The following MYBPC3 variants were observed in gnomAD, a reference collection of about 807,000 sequenced individuals.
The protein encoded by MYBPC3 is myosin binding protein C3.
Under a neutral mutation model 159.3 loss-of-function variants are expected in MYBPC3, and 108 were observed. The ratio of observed to expected loss-of-function variants is 0.68; its 90% CI spans 0.58 to 0.80. MYBPC3 has a LOEUF of 0.80. MYBPC3 is among the 30% of genes least tolerant of loss of function. MYBPC3 has a pLI of 0.00. For synonymous variants in MYBPC3, 730 were observed against 702.0 expected (o/e 1.04, Z -0.63); for missense variants, 1,631 against 1,762.1 (o/e 0.93, Z 1.33).
At position 47,348,310 on chromosome 11, in the gene MYBPC3, C is replaced by G. The variant is rs530597034; in HGVS notation, c.772+114G>C. The G allele has an allele frequency of 2.0e-5, 16 of 794,432 alleles. 1 individual carries two copies. The Admixed American group carries it at 3.7e-4, about 19-fold the overall frequency. 49.2% of individuals were successfully genotyped at this position (794,432 alleles called of 1,614,324 possible). A position where few individuals can be genotyped will look rare whatever the true frequency, so the allele number is the denominator to read the frequency against. ...TGTGTGTGCAGCACTGGGCACGTGG[C>G]CAGCACTCATGTCTGGATGGGACGA... On this transcript the variant is annotated intron_variant, in intron 6 of 34. Coordinates refer to ENST00000545968, the MANE Select transcript of MYBPC3 (RefSeq NM_000256.3).
At chr11:47,336,980 C>A (rs965010153) in intron 25 of MYBPC3, among the ~76,000 whole-genome samples, 2 of 152,206 alleles carry the variant, frequency 1.3e-5, no homozygotes, top group African/African-American at 2.4e-5. Flanking sequence ...TAGGTGAAAA[C>A]CCTGGGTTGA....
chr11:47,342,990 A>C, intron 15 of MYBPC3, 31 bp downstream of exon 15: 1 of 1,612,802 alleles, frequency 6.2e-7, no homozygotes, highest in Non-Finnish European at 8.5e-7. Flanking sequence ...TCTCCTCCCC[A>C]GGTTCCCACA....
intron 12 of MYBPC3, among the ~76,000 whole-genome samples, chr11:47,344,163 C>T (rs936335602): frequency 1.3e-5 from 2 of 152,232 alleles, no homozygotes; most frequent in Non-Finnish European, 2.9e-5. Context: ...TTGGGGTCCT[C>T]TCCACCTGCT....
In MYBPC3 at chr11:47,338,683, G is replaced by A; in HGVS notation, c.2149-4C>T. On this transcript the variant is annotated splice_region_variant and splice_polypyrimidine_tract_variant and intron_variant, in intron 22 of 34. Coordinates refer to ENST00000545968, the MANE Select transcript of MYBPC3 (RefSeq NM_000256.3). This position sits in a 1 kb window ranked among gnomAD's most constrained non-coding sequence, Gnocchi z 4.7. ...GGCCCTCGGTCTCACACAGCAGCTG[G>A]GGGGGTGCAGAGTTGGGGTGAGATC... The A allele has an allele frequency of 6.2e-7, 1 of 1,607,534 alleles. No homozygotes were observed. Among genetic ancestry groups the A allele is most frequent in the Non-Finnish European group, 8.5e-7 (1 of 1,176,732 alleles).
In MYBPC3 at chr11:47,332,059, G is replaced by T. The variant is rs764528392; in HGVS notation, c.3814+13C>A. ...TTCCCATCTCCCAGGCCCTGGCCCC[G>T]AGGGCTCCTCACCTCGCACCTCCAG... On this transcript the variant is annotated intron_variant, in intron 33 of 34. Transcript: ENST00000545968. The surrounding 1 kb of genome is among the most constrained non-coding windows in gnomAD (Gnocchi z 4.2). 1.2e-6 allele frequency: 2 copies of T among 1,605,656 alleles called. No homozygotes were observed. Among genetic ancestry groups the T allele is most frequent in the Non-Finnish European group, 8.5e-7 (1 of 1,174,588 alleles).
Position 47,351,127 on chromosome 11 carries a change from G to C in MYBPC3, c.292+112C>G. ...GTTCCTGGCGGGGGGCACAGCCACA[G>C]CAAAGGCAAGAAAGTGTGAAAGCAC... On this transcript the variant is annotated intron_variant, in intron 2 of 34. Coordinates refer to ENST00000545968, the MANE Select transcript of MYBPC3 (RefSeq NM_000256.3). This position sits in a 1 kb window ranked among gnomAD's most constrained non-coding sequence, Gnocchi z 4.2. 1 of 1,346,326 alleles carries C rather than the reference G, an allele frequency of 7.4e-7. No homozygotes were observed. Among genetic ancestry groups the C allele is most frequent in the Non-Finnish European group, 9.8e-7 (1 of 1,022,772 alleles). The allele number at this position is 1,346,326 out of a possible 1,614,324, so 83.4% of individuals were successfully genotyped here.
Position 47,332,507 on chromosome 11 carries a change from G to A in MYBPC3, c.3627+59C>T, listed in dbSNP as rs982949881. On this transcript the variant is annotated intron_variant, in intron 32 of 34. Transcript: ENST00000545968. This position sits in a 1 kb window ranked among gnomAD's most constrained non-coding sequence, Gnocchi z 4.2. ...CAGGCTGGGGAGAGGACTGCTCAAC[G>A]TCGGGGCCTGTGAGCCCTGCCTCCT... The A allele has an allele frequency of 8.1e-5, 128 of 1,571,970 alleles. No individual in the cohort carries two copies. In the Middle Eastern group the frequency reaches 1.9e-3, roughly 23 times the overall value.
intron 19 of MYBPC3, 35 bp downstream of exon 19, chr11:47,341,103 C>A: frequency 1.3e-6 from 2 of 1,567,310 alleles, no homozygotes; most frequent in South Asian, 2.3e-5. Context: ...CCTGGCCCCA[C>A]TGCCCCGACC....
At chr11:47,335,018 G>A in intron 27 of MYBPC3, 24 bp downstream of exon 27, 1 of 1,468,960 alleles carries the variant, frequency 6.8e-7, no homozygotes, top group Admixed American at 2.2e-5. Context: ...GGCGGGTCTT[G>A]TGACTGCACA....
intron 34 of MYBPC3, 37 bp downstream of exon 34, chr11:47,331,808 C>A (rs2095876052): frequency 1.3e-6 from 2 of 1,575,370 alleles, no homozygotes; most frequent in Middle Eastern, 1.8e-4. Flanking sequence ...CAGGGCTCAG[C>A]CACTGACTTG....
Position 47,351,113 on chromosome 11 carries a change from G to T in MYBPC3, c.292+126C>A. 8.0e-7 allele frequency: 1 copy of T among 1,243,782 alleles called. No individual in the cohort carries two copies. Among genetic ancestry groups the T allele is most frequent in the South Asian group, 1.7e-5 (1 of 57,400 alleles). The allele number at this position is 1,243,782 out of a possible 1,614,324, so 77.0% of individuals were successfully genotyped here. On this transcript the variant is annotated intron_variant, in intron 2 of 34. Coordinates refer to ENST00000545968, the MANE Select transcript of MYBPC3 (RefSeq NM_000256.3). The surrounding 1 kb of genome is among the most constrained non-coding windows in gnomAD (Gnocchi z 4.2). ...AAGGGGGAAAGGGCGTTCCTGGCGG[G>T]GGGCACAGCCACAGCAAAGGCAAGA...
At chr11:47,333,453 G>T (rs530138888) in intron 29 of MYBPC3, 104 bp downstream of exon 29, 1 of 1,529,692 alleles carries the variant, frequency 6.5e-7, no homozygotes, top group African/African-American at 1.4e-5. Context: ...CAGTGGACTG[G>T]AAAATGTGAG....
At position 47,339,755 on chromosome 11, in the gene MYBPC3, T is replaced by A; in HGVS notation, c.1963A>T (p.Ile655Leu). ...GCTACAACCACAATGGTGTCTGGTATGCGGCCTGGGCAGTCCAGGTGGATC... is the reference window on the plus strand; with the variant it reads ...GCTACAACCACAATGGTGTCTGGTAAGCGGCCTGGGCAGTCCAGGTGGATC... ...PKIHLDCPGR[I>L]PDTIVVVAGN... The change falls in exon 21 of 35, where the codon ATA becomes TTA. Residue 655 changes from isoleucine to leucine, a missense_variant. Coordinates refer to ENST00000545968, the MANE Select transcript of MYBPC3 (RefSeq NM_000256.3). 6.2e-7 allele frequency: 1 copy of A among 1,613,942 alleles called. No individual in the cohort carries two copies. Among genetic ancestry groups the A allele is most frequent in the Non-Finnish European group, 8.5e-7 (1 of 1,179,830 alleles).
At chr11:47,339,957 AATACACCC>A (rs2095886724) in intron 20 of MYBPC3, among the ~76,000 whole-genome samples, 167 bp from the exon 21 acceptor site, 1 of 152,170 alleles carries the variant, frequency 6.6e-6, no homozygotes, top group Non-Finnish European at 1.5e-5. Context: ...CTGACAGATG[AATACACCC>A]ATGCAATTAT....
rs11570098 is a variant in MYBPC3, at chr11:47,337,219, T to C, written c.2602+172A>G. Among the ~76,000 whole-genome samples, 452 of 152,312 alleles carry C rather than the reference T, an allele frequency of 3.0e-3. 2 individuals are homozygous for C. Among genetic ancestry groups the C allele is most frequent in the African/African-American group, 0.01 (424 of 41,568 alleles). Reference sequence around the variant, plus strand: ...GGAGATCTCAAGCAGGTCATTTAACTGCTTGGAGCCTGTTTCCTCATCTGT... The same window carrying C: ...GGAGATCTCAAGCAGGTCATTTAACCGCTTGGAGCCTGTTTCCTCATCTGT... On this transcript the variant is annotated intron_variant, in intron 25 of 34. Transcript: ENST00000545968.
At chr11:47,342,343 A>C (rs1261772454) in intron 17 of MYBPC3, among the ~76,000 whole-genome samples, 187 bp from the exon 18 acceptor site, 1 of 152,224 alleles carries the variant, frequency 6.6e-6, no homozygotes, top group African/African-American at 2.4e-5. Context: ...AGGAACCTCA[A>C]GTGTCTGAGG....
chr11:47,340,168 TAC>T (rs1438268967), intron 20 of MYBPC3, among the ~76,000 whole-genome samples: 1 of 149,848 alleles, frequency 6.7e-6, no homozygotes, highest in Admixed American at 6.6e-5. Context: ...CACATACACA[TAC>T]ACACATGCAC....
In MYBPC3 at chr11:47,342,854, G is replaced by A. The variant is rs730880540; in HGVS notation, c.1433C>T (p.Ser478Leu). 44 of 1,612,850 alleles carry A rather than the reference G, an allele frequency of 2.7e-5. No homozygotes were observed. Among genetic ancestry groups the A allele is most frequent in the Non-Finnish European group, 3.4e-5 (40 of 1,179,446 alleles). The stretch of plus-strand genomic sequence containing the variant: ...CCATTTGACTTGCGCCCCCTCCTCC[G>A]ATACTTCACACTCAAACTCCACCCG... ...GQRVEFECEVSEEGAQVKWLK... is the reference protein window; with the variant it reads ...GQRVEFECEVLEEGAQVKWLK... Residue 478 changes from serine to leucine, a missense_variant, in exon 16 of 35, where the codon TCG becomes TTG. Coordinates refer to ENST00000545968, the MANE Select transcript of MYBPC3 (RefSeq NM_000256.3).
At position 47,331,831 on chromosome 11, in the gene MYBPC3, C is replaced by T. The variant is rs375011839; in HGVS notation, c.*26+14G>A. ...AGCCACTGACTTGTGCCCTGGGTGT[C>T]GGGTGGTACATACCTGGCCATCCCC... is the stretch of plus-strand genomic sequence containing the variant. On this transcript the variant is annotated intron_variant, in intron 34 of 34. Coordinates refer to ENST00000545968, the MANE Select transcript of MYBPC3 (RefSeq NM_000256.3). 45 of 1,598,692 alleles carry T rather than the reference C, an allele frequency of 2.8e-5. No individual in the cohort carries two copies. In the African/African-American group the frequency reaches 3.6e-4, roughly 13 times the overall value.
Sources: gnomAD v4.1 joint callset for allele counts (sites outside exome capture counted in the v4.1 genomes callset) on GRCh38, gnomAD v4.1.1 for gene constraint, Gnocchi (gnomAD v3.1) non-coding constraint, MANE v1.5 for transcripts, NCBI Gene and HGNC (gene_info 2026-07-23, HGNC 2026-07-21) for gene names.